Variants in TPR observed in about 807,000 individuals in gnomAD.
TPR encodes translocated promoter region, nuclear basket protein.
A neutral mutation model predicts 316.1 loss-of-function variants in TPR; 51 were observed. The observed-to-expected ratio is 0.16, with a 90% CI of 0.13 to 0.20. The LOEUF (loss-of-function observed/expected upper bound fraction) is 0.20. TPR is among the 10% of genes least tolerant of loss of function. TPR has a pLI of 1.00. For synonymous variants in TPR, 981 were observed against 914.7 expected (o/e 1.07, Z -1.31); for missense variants, 2,272 against 2,754.8 (o/e 0.82, Z 3.92).
At chr1:186,362,212 A>C in intron 7 of TPR, 76 bp downstream of exon 7, 1 of 1,224,578 alleles carries the variant, frequency 8.2e-7, no homozygotes, top group Non-Finnish European at 1.2e-6. Context: ...TTAAAAAATG[A>C]CATCATTTTG....
rs563092958 is a variant in TPR, at chr1:186,357,719, A to T, written c.1498-96T>A. 19 of 1,028,262 alleles carry T rather than the reference A, an allele frequency of 1.8e-5. No individual in the cohort carries two copies. The Admixed American group carries it at 4.9e-4, about 27-fold the overall frequency. 63.7% of individuals were successfully genotyped at this position (1,028,262 alleles called of 1,614,324 possible). On this transcript the variant is annotated intron_variant, in intron 13 of 50. Coordinates refer to ENST00000367478, the MANE Select transcript of TPR (RefSeq NM_003292.3). ...TTTCAAATTAAAACATTACTTATAA[A>T]ACCTTCAACTTGTACTGCCTCAAAT...
At chr1:186,349,924 C>A (rs1658810031) in intron 21 of TPR, among the ~76,000 whole-genome samples, 1 of 152,068 alleles carries the variant, frequency 6.6e-6, no homozygotes, top group South Asian at 2.1e-4. Context: ...AATCAAATAA[C>A]CCTCTTCAGA....
intron 35 of TPR, 137 bp downstream of exon 35, chr1:186,334,931 T>C: frequency 1.2e-6 from 1 of 837,872 alleles, no homozygotes; most frequent in Non-Finnish European, 1.8e-6. Context: ...ATGATACAGT[T>C]CTGCAGAGAA....
At chr1:186,319,666 G>A (rs930899233) in intron 46 of TPR, among the ~76,000 whole-genome samples, 1 of 152,132 alleles carries the variant, frequency 6.6e-6, no homozygotes, top group Admixed American at 6.6e-5. Context: ...TAAAGATTGA[G>A]CTTATTGTAA....
intron 22 of TPR, 90 bp from the exon 23 acceptor site, chr1:186,346,377 G>A (rs1224484973): frequency 1.6e-6 from 2 of 1,269,390 alleles, no homozygotes; most frequent in Non-Finnish European, 2.1e-6. Flanking sequence ...AATTTGAGAA[G>A]TAATAAAATT....
intron 43 of TPR, 151 bp downstream of exon 43, chr1:186,323,535 G>T: frequency 1.4e-6 from 1 of 693,620 alleles, no homozygotes; most frequent in Non-Finnish European, 2.1e-6. Flanking sequence ...TTAGTTCAAA[G>T]AATTTTATAA....
chr1:186,362,516 T>C (rs1381059042), intron 6 of TPR, 136 bp from the exon 7 acceptor site: 1 of 680,130 alleles, frequency 1.5e-6, no homozygotes, highest in East Asian at 2.8e-5. Flanking sequence ...TATGCATATT[T>C]AAGAAAACTA....
Position 186,354,548 on chromosome 1 carries a change from G to T in TPR, c.2172-698C>A, listed in dbSNP as rs76682484. Among the ~76,000 whole-genome samples the T allele has an allele frequency of 2.0e-3, 309 of 152,192 alleles. 3 individuals carry two copies. In the East Asian group the frequency reaches 0.039, roughly 19 times the overall value. On this transcript the variant is annotated intron_variant, in intron 17 of 50. Transcript: ENST00000367478. The stretch of plus-strand genomic sequence containing the variant: ...TTGCTGAACTATTAGATGTATAGGG[G>T]TAACTGCCTGCAATATATCCTGCCT...
chr1:186,314,116 C>G, intron 50 of TPR, 90 bp from the exon 51 acceptor site: 1 of 1,242,028 alleles, frequency 8.1e-7, no homozygotes, highest in Non-Finnish European at 1.1e-6. Flanking sequence ...TAAAAAATAT[C>G]TAGGCATTGT....
At chr1:186,344,852 C>G (rs901333891) in intron 24 of TPR, among the ~76,000 whole-genome samples, 1 of 152,044 alleles carries the variant, frequency 6.6e-6, no homozygotes, top group Non-Finnish European at 1.5e-5. Context: ...ATTATAGATC[C>G]ATTGATTTTA....
chr1:186,318,655 C>A (rs760188880), intron 47 of TPR, 52 bp from the exon 48 acceptor site: 1 of 1,603,812 alleles, frequency 6.2e-7, no homozygotes, highest in Admixed American at 1.7e-5. Context: ...TGGTTTATCA[C>A]ATTTTTAGCC....
At chr1:186,337,929 C>T (rs778613392) in intron 31 of TPR, 104 bp downstream of exon 31, 137 of 911,648 alleles carry the variant, frequency 1.5e-4, no homozygotes, top group Admixed American at 2.9e-4. Flanking sequence ...TATGCTTACA[C>T]GATTTCGGTA....
chr1:186,348,307 T>A (rs950742813), intron 21 of TPR, among the ~76,000 whole-genome samples: 2 of 152,176 alleles, frequency 1.3e-5, no homozygotes, highest in Non-Finnish European at 2.9e-5. Context: ...AGGACTGAGA[T>A]AAGCCCTGGT....
intron 41 of TPR, 115 bp from the exon 42 acceptor site, chr1:186,325,969 C>T: frequency 6.4e-7 from 1 of 1,554,888 alleles, no homozygotes. Context: ...ACCATAACAA[C>T]AAAAAACAAA....
At chr1:186,321,536 T>C (rs1274549181) in intron 45 of TPR, among the ~76,000 whole-genome samples, 1 of 152,210 alleles carries the variant, frequency 6.6e-6, no homozygotes, top group Non-Finnish European at 1.5e-5. Context: ...TGTGCTTCAG[T>C]ATACTATAAG....
At position 186,357,380 on chromosome 1, in the gene TPR, G is replaced by C. The variant is rs764154639; in HGVS notation, c.1724+17C>G. 3 of 1,609,990 alleles carry C rather than the reference G, an allele frequency of 1.9e-6. No individual in the cohort carries two copies. Among genetic ancestry groups the C allele is most frequent in the Non-Finnish European group, 2.5e-6 (3 of 1,176,966 alleles). On this transcript the variant is annotated intron_variant, in intron 14 of 50. Transcript: ENST00000367478. The stretch of plus-strand genomic sequence containing the variant: ...CATAAATGTTTGCTCAACAAGCTGA[G>C]GTATGTGACTACTTACTTGGATGAA...
chr1:186,347,031 T>C (rs936713160), intron 22 of TPR, among the ~76,000 whole-genome samples: 1 of 152,182 alleles, frequency 6.6e-6, no homozygotes, highest in African/African-American at 2.4e-5. Flanking sequence ...GCATACCCAG[T>C]AGACAAATAA....
intron 45 of TPR, 107 bp from the exon 46 acceptor site, chr1:186,320,525 G>A (rs1657747507): frequency 1.1e-6 from 1 of 879,516 alleles, no homozygotes; most frequent in Non-Finnish European, 1.7e-6. Context: ...AACAAACTGG[G>A]AAGGAAACAG....
chr1:186,341,012 T>C lies in TPR; in HGVS notation c.4020+16A>G. On this transcript the variant is annotated intron_variant, in intron 29 of 50. Transcript: ENST00000367478. ...CACGTGTTTCCATGTTTTGGAAGAGTTTTAACTGCATTTACCTGGTTACGT... is the reference window on the plus strand; with the variant it reads ...CACGTGTTTCCATGTTTTGGAAGAGCTTTAACTGCATTTACCTGGTTACGT... 6.2e-7 allele frequency: 1 copy of C among 1,605,988 alleles called. No homozygotes were observed. Among genetic ancestry groups the C allele is most frequent in the Non-Finnish European group, 8.5e-7 (1 of 1,177,882 alleles).
Sources: allele counts gnomAD v4.1 joint callset (sites outside exome capture counted in the v4.1 genomes callset), GRCh38; gene constraint gnomAD v4.1.1; transcripts MANE v1.5; gene names NCBI Gene and HGNC (gene_info 2026-07-23, HGNC 2026-07-21).